Variants in PLEKHG4 observed in about 807,000 individuals in gnomAD.
PLEKHG4 encodes the protein pleckstrin homology and RhoGEF domain containing G4.
In PLEKHG4, 85 loss-of-function variants were observed where a neutral mutation model predicts 136.9. The ratio of observed to expected loss-of-function variants is 0.62; its 90% CI spans 0.52 to 0.74. The LOEUF (loss-of-function observed/expected upper bound fraction) is 0.74, where lower values mean the gene tolerates loss of function less well. PLEKHG4 is among the 30% of genes least tolerant of loss of function. PLEKHG4 has a pLI of 0.00. For synonymous variants in PLEKHG4, 577 were observed against 646.9 expected, an observed-to-expected ratio of 0.89 and a Z score of 1.64; for missense variants, 1,317 against 1,527.8, an observed-to-expected ratio of 0.86 and a Z score of 2.30.
In PLEKHG4 at chr16:67,281,105, C is replaced by T; in HGVS notation, c.734C>T (p.Ala245Val). The T allele has an allele frequency of 6.2e-7, 1 of 1,614,104 alleles. No homozygotes were observed. Among genetic ancestry groups the T allele is most frequent in the Non-Finnish European group, 8.5e-7 (1 of 1,179,964 alleles). The change falls in exon 5 of 22, where the codon GCA (alanine) becomes GTA (valine). Residue 245 changes from alanine to valine, a missense_variant. Coordinates refer to ENST00000379344, the MANE Select transcript of PLEKHG4 (RefSeq NM_001129729.3). ...LRSIPRPEVQ[A>V]LGLTVLVDAR... The stretch of plus-strand genomic sequence containing the variant: ...CACCCCTTTAGGCCCGAAGTACAGG[C>T]ACTGGGACTGACAGTGCTAGTTGAT...
At position 67,280,581 on chromosome 16, in the gene PLEKHG4, T is replaced by C. The variant is rs201932856; in HGVS notation, c.499+38T>C. On this transcript the variant is annotated intron_variant, in intron 2 of 21. Coordinates refer to ENST00000379344, the MANE Select transcript of PLEKHG4 (RefSeq NM_001129729.3). This position sits in a 1 kb window ranked among gnomAD's most constrained non-coding sequence, Gnocchi z 4.4. ...GGGCTAGGGAAGTCTGGGAAGGGAA[T>C]GGGGATGCCTGGAGAGATGAGTGTC... The C allele has an allele frequency of 2.6e-5, 42 of 1,612,960 alleles. No individual in the cohort carries two copies. The African/African-American group carries it at 2.7e-4, about 10-fold the overall frequency.
At position 67,288,597 on chromosome 16, in the gene PLEKHG4, T is replaced by A; in HGVS notation, c.3563T>A (p.Leu1188Ter). ...GQALGRGLED[L>*]PCV ...GCCCTGGGTAGGGGCCTGGAGGACT[T>A]ACCCTGTGTGAGTGCCATTTGCCCT... The change falls in exon 21 of 22, where the codon TTA becomes TAA. Residue 1188 changes from leucine (L) to a stop codon, truncating the protein, a stop_gained. Coordinates refer to ENST00000379344, the MANE Select transcript of PLEKHG4 (RefSeq NM_001129729.3). LOFTEE classifies it high-confidence loss of function. 1 of 1,614,112 alleles carries A rather than the reference T, an allele frequency of 6.2e-7. No homozygotes were observed. Among genetic ancestry groups the A allele is most frequent in the South Asian group, 1.1e-5 (1 of 91,078 alleles).
chr16:67,287,716 A>G (rs1425710724), intron 18 of PLEKHG4, 182 bp from the exon 19 acceptor site: 7 of 665,628 alleles, frequency 1.1e-5, no homozygotes, highest in Non-Finnish European at 1.9e-5. Context: ...TTAAAAGGGG[A>G]ATATGGCACC....
Position 67,285,332 on chromosome 16 carries a change from G to T in PLEKHG4, c.2238G>T (p.Glu746Asp). 1 of 1,614,220 alleles carries T rather than the reference G, an allele frequency of 6.2e-7. No homozygotes were observed. The highest frequency in any genetic ancestry group is 1.3e-5 in the African/African-American group (1 of 75,062). Residue 746 changes from glutamate (E) to aspartate (D), a missense_variant, in exon 14 of 22, where the codon GAG becomes GAT. Transcript: ENST00000379344. Reference sequence around the variant, plus strand: ...CAGAGATGGTGGCCACGGAGCGGGAGTATGTCCGGGCTCTAGAGTACACTA... The same window carrying T: ...CAGAGATGGTGGCCACGGAGCGGGATTATGTCCGGGCTCTAGAGTACACTA... ...VLAEMVATEREYVRALEYTME... is the reference protein window; with the variant it reads ...VLAEMVATERDYVRALEYTME...
intron 16 of PLEKHG4, 23 bp downstream of exon 16, chr16:67,286,689 C>A: frequency 6.3e-7 from 1 of 1,588,816 alleles, no homozygotes. Flanking sequence ...AGGGCAAGGG[C>A]AGTGGGTGTG....
intron 9 of PLEKHG4, 29 bp downstream of exon 9, chr16:67,282,378 G>A (rs1468682604): frequency 1.2e-6 from 2 of 1,610,900 alleles, no homozygotes; most frequent in Non-Finnish European, 1.7e-6. Flanking sequence ...CCCAGATCTT[G>A]CCCCAGCCCA....
rs977534403 is a variant in PLEKHG4, at chr16:67,289,213, T to G, written c.*405T>G. 3 of 444,586 alleles carry G rather than the reference T, an allele frequency of 6.7e-6. No individual in the cohort carries two copies. In the Middle Eastern group the frequency reaches 1.9e-3, roughly 281 times the overall value. The allele number at this position is 444,586 out of a possible 1,614,324, so 27.5% of individuals were successfully genotyped here. A position where few individuals can be genotyped will look rare whatever the true frequency, so the allele number is the denominator to read the frequency against. On this transcript the variant is annotated 3_prime_UTR_variant, in exon 22 of 22. Transcript: ENST00000379344. ...CTCCTAGCAGCTGATCCCCAATGCC[T>G]GGCCTTAAAGCCGAGCTCAGTTACC... is the stretch of plus-strand genomic sequence containing the variant.
chr16:67,279,388 T>G (rs1022068829), upstream of PLEKHG4: 1 of 151,590 alleles, frequency 6.6e-6, no homozygotes, highest in Non-Finnish European at 1.5e-5. Context: ...GCCCGCACCT[T>G]GTCTTCCGCG....
chr16:67,284,631 A>G lies in PLEKHG4; in HGVS notation c.1693-82A>G. 1.3e-6 allele frequency: 2 copies of G among 1,547,592 alleles called. No individual in the cohort carries two copies. The highest frequency in any genetic ancestry group is 3.6e-5 in the Admixed American group (2 of 55,886). ...GTGTCCTGGACAGCATCCTGTGGGGATGGGGAGTGGGTAGAGGAGCAGAGT... is the reference window on the plus strand; with the variant it reads ...GTGTCCTGGACAGCATCCTGTGGGGGTGGGGAGTGGGTAGAGGAGCAGAGT... On this transcript the variant is annotated intron_variant, in intron 12 of 21. Coordinates refer to ENST00000379344, the MANE Select transcript of PLEKHG4 (RefSeq NM_001129729.3). This position sits in a 1 kb window ranked among gnomAD's most constrained non-coding sequence, Gnocchi z 4.4.
Position 67,284,328 on chromosome 16 carries a change from G to T in PLEKHG4, c.1563G>T (p.Ala521=). Residue 521 remains alanine, a synonymous_variant, in exon 12 of 22, where the codon GCG becomes GCT. Transcript: ENST00000379344. This position sits in a 1 kb window ranked among gnomAD's most constrained non-coding sequence, Gnocchi z 4.4. ...TGCAGCCGCTGACTGGCTGGGAGGC[G>T]GCTGAACTGGACCCCCCTGGGGCAC... ...KFLQPLTGWE[A]AELDPPGARF... 6.2e-7 allele frequency: 1 copy of T among 1,613,836 alleles called. No individual in the cohort carries two copies. Among genetic ancestry groups the T allele is most frequent in the Non-Finnish European group, 8.5e-7 (1 of 1,179,928 alleles).
intron 5 of PLEKHG4, 112 bp from the exon 6 acceptor site, chr16:67,281,452 CCTG>C: frequency 2.3e-6 from 2 of 885,066 alleles, no homozygotes; most frequent in Non-Finnish European, 3.7e-6. Flanking sequence ...ATCTCGAACT[CCTG>C]AACTCAGGTG....
chr16:67,285,655 G>C, intron 14 of PLEKHG4, 119 bp downstream of exon 14: 3 of 1,209,810 alleles, frequency 2.5e-6, no homozygotes, highest in East Asian at 2.4e-5. Flanking sequence ...AGACTGGCAG[G>C]CTCCTGCACC....
rs375273999 is a variant in PLEKHG4 at position 67,282,583 on chromosome 16, G to A, written c.1334G>A (p.Arg445Gln). ...CAACTGACCCTGCAGAGCAACCAGC[G>A]AATACAGGCCCTAGAGTTGGTCCAA... ...LHQLTLQSNQ[R>Q]IQALELVQTL... is the part of the protein sequence containing the mutation. Residue 445 changes from arginine (R) to glutamine (Q), a missense_variant, in exon 10 of 22, where the codon CGA (arginine) becomes CAA (glutamine). By Grantham distance (43) the Arg-to-Gln change is conservative (BLOSUM62 1). Coordinates refer to ENST00000379344, the MANE Select transcript of PLEKHG4 (RefSeq NM_001129729.3). The A allele has an allele frequency of 8.7e-6, 14 of 1,613,982 alleles. No homozygotes were observed. Among genetic ancestry groups the A allele is most frequent in the Middle Eastern group, 1.6e-4 (1 of 6,084 alleles).
At position 67,286,870 on chromosome 16, in the gene PLEKHG4, G is replaced by A. The variant is rs769859525; in HGVS notation, c.2876G>A (p.Arg959His). The A allele has an allele frequency of 6.0e-5, 97 of 1,613,956 alleles. No individual in the cohort carries two copies. The South Asian group carries it at 9.1e-4, about 15-fold the overall frequency. ...GAGCTGCTGCTCTTCAGCAAGCCTC[G>A]CCATGGGCCCACAGGGGTTGACACA... The part of the protein sequence containing the change: ...FEELLLFSKP[R>H]HGPTGVDTFA... Residue 959 changes from arginine to histidine, a missense_variant, in exon 17 of 22, where the codon CGC becomes CAC. Transcript: ENST00000379344.
At chr16:67,288,427 G>A in intron 20 of PLEKHG4, 27 bp downstream of exon 20, 1 of 1,613,032 alleles carries the variant, frequency 6.2e-7, no homozygotes, top group South Asian at 1.1e-5. Context: ...CCAGAGGCAG[G>A]AGGGCATGGC....
chr16:67,281,301 G>A lies in PLEKHG4; in HGVS notation c.813+117G>A, dbSNP rs2142434731. On this transcript the variant is annotated intron_variant, in intron 5 of 21. Transcript: ENST00000379344. ...TGCAGTGGCGCAATCTTGGCTCACT[G>A]CAAACTCTATCTCCCCGATTCAAGT... 22 of 816,128 alleles carry A rather than the reference G, an allele frequency of 2.7e-5. No homozygotes were observed. In the South Asian group the frequency reaches 3.0e-4, roughly 11 times the overall value. The allele number at this position is 816,128 out of a possible 1,614,324, so 50.6% of individuals were successfully genotyped here.
In PLEKHG4 at chr16:67,288,583, G is replaced by A. The variant is rs768209884; in HGVS notation, c.3549G>A (p.Arg1183=). 1 of 1,614,102 alleles carries A rather than the reference G, an allele frequency of 6.2e-7. No individual in the cohort carries two copies. The highest frequency in any genetic ancestry group is 8.5e-7 in the Non-Finnish European group (1 of 1,179,946). Residue 1183 remains arginine, a synonymous_variant, in exon 21 of 22, where the codon AGG becomes AGA. Transcript: ENST00000379344. ...SSCVSGQALG[R]GLEDLPCV ...GTGTGTCAGGGCAGGCCCTGGGTAG[G>A]GGCCTGGAGGACTTACCCTGTGTGA...
intron 4 of PLEKHG4, 35 bp from the exon 5 acceptor site, chr16:67,281,056 G>A (rs372449397): frequency 6.2e-7 from 1 of 1,613,820 alleles, no homozygotes; most frequent in South Asian, 1.1e-5. Context: ...GTGAGGACTG[G>A]GAGTCAGGTA....
In PLEKHG4 at chr16:67,286,650, C is replaced by T; in HGVS notation, c.2738C>T (p.Ala913Val). 2 of 1,571,424 alleles carry T rather than the reference C, an allele frequency of 1.3e-6. No individual in the cohort carries two copies. Among genetic ancestry groups the T allele is most frequent in the Non-Finnish European group, 1.7e-6 (2 of 1,157,718 alleles). ...RHGNDLLAMD[A>V]IQGCDVNLKE... is the part of the protein sequence containing the mutation. Reference sequence around the variant, plus strand: ...GGAAACGACCTGCTGGCCATGGACGCCATCCAGGGCTGTGATGTGAGTCAT... The same window carrying T: ...GGAAACGACCTGCTGGCCATGGACGTCATCCAGGGCTGTGATGTGAGTCAT... The change falls in exon 16 of 22, where the codon GCC becomes GTC. Residue 913 changes from alanine to valine, a missense_variant. Coordinates refer to ENST00000379344, the MANE Select transcript of PLEKHG4 (RefSeq NM_001129729.3).
Sources: gnomAD v4.1 joint callset for allele counts on GRCh38, gnomAD v4.1.1 for gene constraint, Gnocchi (gnomAD v3.1) non-coding constraint, MANE v1.5 for transcripts, NCBI Gene and HGNC (gene_info 2026-07-23, HGNC 2026-07-21) for gene names.